RGPD4: variants seen among roughly 807,000 people sequenced by gnomAD.
RGPD4 encodes the protein RANBP2 like and GRIP domain containing 4, also known as ranBP2-like and GRIP domain-containing protein 4.
Under a neutral mutation model 141.1 loss-of-function variants are expected in RGPD4, and 84 were observed. The ratio of observed to expected loss-of-function variants is 0.60; its 90% CI spans 0.50 to 0.71. RGPD4 has a LOEUF of 0.71. Ranked by LOEUF, RGPD4 falls within the 30% of genes least tolerant of loss-of-function variation. The pLI is 0.00. For synonymous variants in RGPD4, 298 were observed against 566.8 expected (o/e 0.53, Z 6.74); for missense variants, 918 against 1,622.4 (o/e 0.57, Z 7.46).
intron 22 of RGPD4, among the ~76,000 whole-genome samples, chr2:107,885,151 T>G (rs1167696820): frequency 6.6e-6 from 1 of 152,008 alleles, no homozygotes. Context: ...GATTACAAAT[T>G]CACTGTCTTT....
chr2:107,851,735 GTATTT>G (rs1329220346), intron 7 of RGPD4, among the ~76,000 whole-genome samples: 3 of 60,296 alleles, frequency 5.0e-5, no homozygotes, highest in African/African-American at 2.1e-4. Flanking sequence ...TTAGATGCTT[GTATTT>G]TATTTTATCA....
intron 21 of RGPD4, among the ~76,000 whole-genome samples, chr2:107,881,419 G>C (rs955018689): frequency 2.6e-5 from 4 of 151,840 alleles, no homozygotes; most frequent in African/African-American, 9.7e-5. Flanking sequence ...CCAGGTTCAA[G>C]CGATTCCCCT....
chr2:107,885,970 T>C (rs1235194711), intron 22 of RGPD4, among the ~76,000 whole-genome samples: 1 of 151,376 alleles, frequency 6.6e-6, no homozygotes, highest in Non-Finnish European at 1.5e-5. Context: ...GGAGAACTGC[T>C]TGAACCCAGG....
chr2:107,847,967 A>C (rs1323542561), intron 6 of RGPD4, among the ~76,000 whole-genome samples: 1 of 142,062 alleles, frequency 7.0e-6, no homozygotes, highest in Non-Finnish European at 1.5e-5. Flanking sequence ...TTGAGAAATT[A>C]CAACTGTTAA....
rs2119132 is a variant in RGPD4 at position 107,890,518 on chromosome 2, C to G, written c.5267-203C>G. 2.8e-4 allele frequency among the ~76,000 whole-genome samples: 33 copies of G among 117,484 alleles called. No homozygotes were observed. In the East Asian group the frequency reaches 5.6e-3, roughly 20 times the overall value. 77.1% of individuals were successfully genotyped at this position (117,484 alleles called of 152,430 possible). On this transcript the variant is annotated intron_variant, in intron 22 of 22. Transcript: ENST00000408999. ...GAAGTCTCATCACGCCACTGCACTC[C>G]AGCCTGGGTGACAGAGCAAGACCCT...
At chr2:107,863,902 AC>A (rs1463779398) in intron 17 of RGPD4, among the ~76,000 whole-genome samples, 8 of 151,416 alleles carry the variant, frequency 5.3e-5, no homozygotes, top group African/African-American at 1.5e-4. Flanking sequence ...AGTTCCTGAC[AC>A]AGAGAAGGTT....
intron 21 of RGPD4, among the ~76,000 whole-genome samples, chr2:107,881,316 G>A (rs1310599061): frequency 1.4e-5 from 2 of 147,284 alleles, no homozygotes; most frequent in Non-Finnish European, 1.5e-5. Flanking sequence ...TTATTTAAAT[G>A]TTATATTTTC....
At chr2:107,878,200 T>C (rs930593504) in intron 20 of RGPD4, among the ~76,000 whole-genome samples, 2 of 151,572 alleles carry the variant, frequency 1.3e-5, no homozygotes, top group East Asian at 1.9e-4. Flanking sequence ...ACTCTTATCA[T>C]TTGATATTTT....
intron 22 of RGPD4, among the ~76,000 whole-genome samples, chr2:107,884,119 T>A (rs1384528263): frequency 6.6e-6 from 1 of 151,710 alleles, no homozygotes; most frequent in East Asian, 1.9e-4. Flanking sequence ...TGTTGTGTTT[T>A]TGTTTGTTTG....
intron 1 of RGPD4, among the ~76,000 whole-genome samples, chr2:107,832,280 G>A (rs1323043366): frequency 6.7e-6 from 1 of 149,490 alleles, no homozygotes; most frequent in East Asian, 2.0e-4. Context: ...CTACACAGCT[G>A]TGCTCTTGGG....
chr2:107,831,871 C>G (rs1324843640), intron 1 of RGPD4, among the ~76,000 whole-genome samples: 5 of 131,576 alleles, frequency 3.8e-5, no homozygotes, highest in Middle Eastern at 3.8e-3. Context: ...GGGCCGGGCC[C>G]CATTTTAGAC....
rs201802537 is a variant in RGPD4 at position 107,871,378 on chromosome 2, G to A, written c.3374G>A (p.Gly1125Glu). ...TTTMNLKPLS[G>E]SDRAWMWSAS... ...ACAATGAACCTGAAGCCCCTGTCTG[G>A]ATCAGATAGAGCATGGATGTGGTCA... Residue 1125 changes from glycine (G) to glutamate (E), a missense_variant, in exon 20 of 23, where the codon GGA (glycine) becomes GAA (glutamate). Coordinates refer to ENST00000408999, the MANE Select transcript of RGPD4 (RefSeq NM_182588.3). 7.1e-3 allele frequency: 7,467 copies of A among 1,050,882 alleles called. 84 individuals carry two copies. Among genetic ancestry groups the A allele is most frequent in the Non-Finnish European group, 8.3e-3 (6,036 of 728,966 alleles). 65.1% of individuals were successfully genotyped at this position (1,050,882 alleles called of 1,614,324 possible). A position where few individuals can be genotyped will look rare whatever the true frequency, so the allele number is the denominator to read the frequency against.
At chr2:107,857,908 C>T (rs910309812) in intron 9 of RGPD4, among the ~76,000 whole-genome samples, 1 of 151,938 alleles carries the variant, frequency 6.6e-6, no homozygotes, top group African/African-American at 2.4e-5. Flanking sequence ...AGAATCGCTT[C>T]AACCTGGGAG....
chr2:107,874,400 G>T (rs1005803769), intron 20 of RGPD4, among the ~76,000 whole-genome samples: 1 of 148,284 alleles, frequency 6.7e-6, no homozygotes, highest in African/African-American at 2.5e-5. Context: ...TCTGTTGAAG[G>T]CCTTCAAGAA....
intron 1 of RGPD4, among the ~76,000 whole-genome samples, chr2:107,830,044 C>T (rs1484816264): frequency 1.3e-5 from 2 of 151,962 alleles, no homozygotes; most frequent in Non-Finnish European, 2.9e-5. Context: ...GCAAATGACA[C>T]GGAAAGTCCC....
intron 22 of RGPD4, among the ~76,000 whole-genome samples, chr2:107,884,418 C>T (rs1044395214): frequency 2.6e-5 from 4 of 151,462 alleles, no homozygotes; most frequent in Non-Finnish European, 4.4e-5. Context: ...GTTTTTTTAT[C>T]TATAACAATT....
intron 22 of RGPD4, among the ~76,000 whole-genome samples, chr2:107,886,113 C>T (rs1675503688): frequency 7.0e-6 from 1 of 142,168 alleles, no homozygotes; most frequent in African/African-American, 2.6e-5. Context: ...CAGAATTCAG[C>T]ATGGGAGAAA....
chr2:107,886,532 A>G (rs879892523), intron 22 of RGPD4, among the ~76,000 whole-genome samples: 30 of 141,216 alleles, frequency 2.1e-4, no homozygotes, highest in East Asian at 1.7e-3. Context: ...GCCTTCACTG[A>G]AAATTCTTAA....
chr2:107,879,319 A>G (rs985433574), intron 20 of RGPD4, among the ~76,000 whole-genome samples: 1 of 103,692 alleles, frequency 9.6e-6, no homozygotes, highest in South Asian at 3.5e-4. Context: ...TTTAGGGGGA[A>G]TCTGTCATCT....
Sources: allele counts gnomAD v4.1 joint callset (sites outside exome capture counted in the v4.1 genomes callset), GRCh38; gene constraint gnomAD v4.1.1; transcripts MANE v1.5; gene names NCBI Gene and HGNC (gene_info 2026-07-23, HGNC 2026-07-21).